The following NTN4 variants were observed in gnomAD, a reference collection of about 807,000 sequenced individuals.
NTN4 encodes the protein netrin 4, also known as netrin-4.
NTN4 carries 32 observed loss-of-function variants against 73.6 expected under a neutral mutation model. That is an observed-to-expected ratio of 0.44 (90% CI 0.33 to 0.58). The LOEUF is 0.58. NTN4 is among the 20% of genes least tolerant of loss of function. The probability of loss-of-function intolerance (pLI) is 0.04; values close to 1 mark genes in which losing one functional copy is unlikely to be tolerated. For synonymous variants in NTN4, 258 were observed against 287.5 expected, an observed-to-expected ratio of 0.90 and a Z score of 1.04; for missense variants, 654 against 798.3, an observed-to-expected ratio of 0.82 and a Z score of 2.18.
chr12:95,743,227 T>C (rs141869690), intron 2 of NTN4, among the ~76,000 whole-genome samples: 93 of 152,272 alleles, frequency 6.1e-4, no homozygotes, highest in Admixed American at 1.7e-3. Flanking sequence ...ACTAGACACA[T>C]CCTCACATTC....
chr12:95,755,793 C>G (rs74918612), intron 2 of NTN4, among the ~76,000 whole-genome samples: 3 of 152,164 alleles, frequency 2.0e-5, no homozygotes, highest in East Asian at 3.9e-4. Flanking sequence ...GATGCAAAGG[C>G]AGCTTCGTAA....
At chr12:95,745,400 C>T (rs4762615) in intron 2 of NTN4, among the ~76,000 whole-genome samples, 78,679 of 151,814 alleles carry the variant, frequency 0.52, 22,652 homozygotes, top group Non-Finnish European at 0.65. Context: ...ACGTATTAAA[C>T]GTCACTAATC....
At chr12:95,713,087 T>A (rs1434980049) in intron 4 of NTN4, 125 bp downstream of exon 4, 1 of 1,135,278 alleles carries the variant, frequency 8.8e-7, no homozygotes, top group African/African-American at 1.6e-5. Context: ...GATATGGCTA[T>A]GTTTGTGTAG....
chr12:95,674,792 C>T (rs150031942), intron 7 of NTN4, among the ~76,000 whole-genome samples: 1,989 of 152,282 alleles, frequency 0.013, 167 homozygotes, highest in Admixed American at 0.12. Flanking sequence ...AAGTCTTCCT[C>T]AATCTGGCGT....
chr12:95,670,775 ATGTG>A (rs1029763955), intron 7 of NTN4, among the ~76,000 whole-genome samples: 14 of 150,058 alleles, frequency 9.3e-5, no homozygotes, highest in African/African-American at 3.4e-4. Flanking sequence ...GAAGAGTCAC[ATGTG>A]TCTGGGAAGA....
At chr12:95,721,032 A>G (rs1029582122) in intron 3 of NTN4, among the ~76,000 whole-genome samples, 7 of 152,238 alleles carry the variant, frequency 4.6e-5, no homozygotes, top group African/African-American at 1.7e-4. Flanking sequence ...CCACAAAGCC[A>G]ATAAGTGGTA....
chr12:95,745,912 C>T (rs2078858601), intron 2 of NTN4, among the ~76,000 whole-genome samples: 1 of 152,228 alleles, frequency 6.6e-6, no homozygotes, highest in South Asian at 2.1e-4. Flanking sequence ...ATTACTCTAA[C>T]AATGAATTAC....
chr12:95,696,600 G>A lies in NTN4; in HGVS notation c.1181-12889C>T, dbSNP rs182272900. ...ACCTTTGTTACATTAATAAATGAAC[G>A]TGCATCTTAATAAGCAACAATCATG... On this transcript the variant is annotated intron_variant, in intron 5 of 9. Coordinates refer to ENST00000343702, the MANE Select transcript of NTN4 (RefSeq NM_021229.4). 1.3e-4 allele frequency among the ~76,000 whole-genome samples: 20 copies of A among 152,152 alleles called. No homozygotes were observed. The East Asian group carries it at 3.5e-3, about 26-fold the overall frequency.
chr12:95,770,667 AG>A (rs1438012900), intron 2 of NTN4, among the ~76,000 whole-genome samples: 1 of 152,250 alleles, frequency 6.6e-6, no homozygotes, highest in Non-Finnish European at 1.5e-5. Context: ...ACAGTGTAAG[AG>A]GGTGATCACA....
chr12:95,787,426 G>A lies in NTN4; in HGVS notation c.98C>T (p.Ala33Val), dbSNP rs1054570609. ...VAGVSSRCEK[A>V]CNPRMGNLAL... ...CAAATTTCCCATCCGAGGGTTGCAG[G>A]CTTTTTCACAGCGGGAACTCACTCC... Residue 33 changes from alanine to valine, a missense_variant, in exon 2 of 10, where the codon GCC becomes GTC. Transcript: ENST00000343702. 1.2e-6 allele frequency: 2 copies of A among 1,614,152 alleles called. No individual in the cohort carries two copies. The highest frequency in any genetic ancestry group is 8.5e-7 in the Non-Finnish European group (1 of 1,180,034).
In NTN4 at chr12:95,667,629, C is replaced by T. The variant is rs190876174; in HGVS notation, c.1580-1649G>A. Among the ~76,000 whole-genome samples, 310 of 151,978 alleles carry T rather than the reference C, an allele frequency of 2.0e-3. 2 individuals carry two copies. Among genetic ancestry groups the T allele is most frequent in the African/African-American group, 6.9e-3 (288 of 41,444 alleles). On this transcript the variant is annotated intron_variant, in intron 8 of 9. Transcript: ENST00000343702. ...CAGCACTTTGGGAGGCTGAGGTAGGCGGATCACCTGAGGTCAGGACTTTGA... is the reference window on the plus strand; with the variant it reads ...CAGCACTTTGGGAGGCTGAGGTAGGTGGATCACCTGAGGTCAGGACTTTGA...
chr12:95,664,185 T>G (rs994386776), intron 9 of NTN4, among the ~76,000 whole-genome samples: 6 of 151,876 alleles, frequency 4.0e-5, no homozygotes, highest in African/African-American at 1.5e-4. Flanking sequence ...TTCCAAGTAG[T>G]TGGGACTACA....
chr12:95,662,788 CCT>C (rs2078148655), intron 9 of NTN4, among the ~76,000 whole-genome samples: 1 of 152,100 alleles, frequency 6.6e-6, no homozygotes, highest in Non-Finnish European at 1.5e-5. Context: ...ATAATAAACT[CCT>C]CATTTAAAAA....
rs759165554 is a variant in NTN4, at chr12:95,710,592, G to A, written c.1029C>T (p.Phe343=). ...KCNGHADTCH[F]DVNVWEASGN... ...CTGATGCCTCCCACACATTAACGTC[G>A]AAGTGACAGGTATCAGCATGCCCAT... The change falls in exon 5 of 10, where the codon TTC becomes TTT. Residue 343 remains phenylalanine, a synonymous_variant. Transcript: ENST00000343702. 1.2e-5 allele frequency: 19 copies of A among 1,614,096 alleles called. No homozygotes were observed. Among genetic ancestry groups the A allele is most frequent in the South Asian group, 3.3e-5 (3 of 91,058 alleles).
In NTN4 at chr12:95,659,009, CCTGTCTGAGGT is replaced by C; in HGVS notation, c.*66_*76del. 7.1e-7 allele frequency: 1 copy of C among 1,416,978 alleles called. No homozygotes were observed. Among genetic ancestry groups the C allele is most frequent in the East Asian group, 2.3e-5 (1 of 43,170 alleles). 87.8% of individuals were successfully genotyped at this position (1,416,978 alleles called of 1,614,324 possible). A position where few individuals can be genotyped will look rare whatever the true frequency, so the allele number is the denominator to read the frequency against. On this transcript the variant is annotated 3_prime_UTR_variant, in exon 10 of 10. Coordinates refer to ENST00000343702, the MANE Select transcript of NTN4 (RefSeq NM_021229.4). The stretch of plus-strand genomic sequence containing the variant: ...TTGGCACTTTAAAAAATTCCAGTTT[CCTGTCTGAGGT>C]CTTCTTGCTCTAAAGTTTGTGTTTT...
At chr12:95,669,206 T>TAA (rs369624673) in intron 8 of NTN4, among the ~76,000 whole-genome samples, 2,405 of 125,976 alleles carry the variant, frequency 0.019, 67 homozygotes, top group African/African-American at 0.067. Context: ...AGACTCTGTC[T>TAA]AAAAAAAAAA....
intron 5 of NTN4, among the ~76,000 whole-genome samples, chr12:95,691,112 A>T (rs2078398295): frequency 6.6e-6 from 1 of 152,246 alleles, no homozygotes; most frequent in African/African-American, 2.4e-5. Flanking sequence ...CAAGACTCAC[A>T]CCGAGGTCTG....
chr12:95,790,765 A>G, upstream of NTN4: 1 of 152,220 alleles, frequency 6.6e-6, no homozygotes, highest in Non-Finnish European at 1.5e-5. This position sits in a 1 kb window ranked among gnomAD's most constrained non-coding sequence, Gnocchi z 6.5. Context: ...GTCCTTCTCC[A>G]CGGGCAGTTC....
In NTN4 at chr12:95,738,090, T is replaced by C. The variant is rs760860265; in HGVS notation, c.640A>G (p.Lys214Glu). ...PYDTENPYSAKVQEQLKITNL... is the reference protein window; with the variant it reads ...PYDTENPYSAEVQEQLKITNL... ...GTGATCTTCAGCTGCTCCTGAACTT[T>C]GGCACTGTAAGGGTTCTCTGTATCG... Residue 214 changes from lysine (K) to glutamate (E), a missense_variant, in exon 3 of 10, where the codon AAA becomes GAA. Coordinates refer to ENST00000343702, the MANE Select transcript of NTN4 (RefSeq NM_021229.4). 1 of 1,614,160 alleles carries C rather than the reference T, an allele frequency of 6.2e-7. No homozygotes were observed. The highest frequency in any genetic ancestry group is 1.1e-5 in the South Asian group (1 of 91,082).
Sources: allele counts gnomAD v4.1 joint callset (sites outside exome capture counted in the v4.1 genomes callset), GRCh38; gene constraint gnomAD v4.1.1; non-coding constraint Gnocchi (gnomAD v3.1); transcripts MANE v1.5; gene names NCBI Gene and HGNC (gene_info 2026-07-23, HGNC 2026-07-21).